The following SLC12A1 variants were observed in gnomAD, a reference collection of about 807,000 sequenced individuals.
The protein encoded by SLC12A1 is Na-K-2Cl cotransporter.
SLC12A1 carries 89 observed loss-of-function variants against 130.4 expected under a neutral mutation model. The ratio of observed to expected loss-of-function variants is 0.68; its 90% confidence interval spans 0.58 to 0.81. The LOEUF is 0.81. SLC12A1 is among the 40% of genes least tolerant of loss of function. SLC12A1 has a pLI of 0.00. For synonymous variants in SLC12A1, 499 were observed against 460.0 expected (o/e 1.08, Z -1.09); for missense variants, 1,310 against 1,336.4 (o/e 0.98, Z 0.31).
intron 2 of SLC12A1, among the ~76,000 whole-genome samples, chr15:48,217,531 T>G (rs1328147832): frequency 6.6e-6 from 1 of 152,210 alleles, no homozygotes; most frequent in Non-Finnish European, 1.5e-5. Flanking sequence ...AAGCTAAATT[T>G]TAATTATTAA....
intron 24 of SLC12A1, among the ~76,000 whole-genome samples, chr15:48,293,439 A>G (rs2066157765): frequency 6.6e-6 from 1 of 152,346 alleles, no homozygotes; most frequent in South Asian, 2.1e-4. Flanking sequence ...TCCAAGAGGA[A>G]TCATACAGAG....
chr15:48,269,739 A>T lies in SLC12A1; in HGVS notation c.2377A>T (p.Ile793Phe). The T allele has an allele frequency of 2.5e-6, 4 of 1,604,466 alleles. No individual in the cohort carries two copies. The highest frequency in any genetic ancestry group is 3.4e-6 in the Non-Finnish European group (4 of 1,171,572). Reference sequence around the variant, plus strand: ...CTGGAGGAAAGCTCCCTTGACAGAGATTGAGAACTACGTGGGAATCATACA... The same window carrying T: ...CTGGAGGAAAGCTCCCTTGACAGAGTTTGAGAACTACGTGGGAATCATACA... The part of the protein sequence containing the change: ...KNWRKAPLTE[I>F]ENYVGIIHDA... Residue 793 changes from isoleucine (I) to phenylalanine (F), a missense_variant, in exon 19 of 27, where the codon ATT becomes TTT. Physicochemically the swap from Ile to Phe is conservative, Grantham distance 21. Coordinates refer to ENST00000380993, the MANE Select transcript of SLC12A1 (RefSeq NM_000338.3).
At position 48,207,583 on chromosome 15, in the gene SLC12A1, T is replaced by G. The variant is rs950959180; in HGVS notation, c.-137T>G. The G allele has an allele frequency of 1.7e-6, 1 of 572,514 alleles. No homozygotes were observed. Among genetic ancestry groups the G allele is most frequent in the African/African-American group, 1.9e-5 (1 of 52,800 alleles). 35.5% of individuals were successfully genotyped at this position (572,514 alleles called of 1,614,324 possible). A position where few individuals can be genotyped will look rare whatever the true frequency, so the allele number is the denominator to read the frequency against. ...TATCGGAGACAATATATCAAGAATC[T>G]ATTTATTGAATCATCTAGAACAAAA... is the stretch of plus-strand genomic sequence containing the variant. On this transcript the variant is annotated 5_prime_UTR_variant, in exon 2 of 27. Coordinates refer to ENST00000380993, the MANE Select transcript of SLC12A1 (RefSeq NM_000338.3).
intron 7 of SLC12A1, among the ~76,000 whole-genome samples, chr15:48,231,507 G>C (rs1418142561): frequency 6.6e-6 from 1 of 152,116 alleles, no homozygotes; most frequent in African/African-American, 2.4e-5. Context: ...TCTGTAGTTA[G>C]AGTGCCTGAA....
chr15:48,265,316 C>T (rs2041820965), intron 17 of SLC12A1, among the ~76,000 whole-genome samples: 1 of 152,192 alleles, frequency 6.6e-6, no homozygotes, highest in Non-Finnish European at 1.5e-5. Flanking sequence ...AACAGACATA[C>T]ATTAGACTGT....
intron 24 of SLC12A1, among the ~76,000 whole-genome samples, chr15:48,294,074 G>A (rs186558220): frequency 6.7e-6 from 1 of 150,348 alleles, no homozygotes; most frequent in Non-Finnish European, 1.5e-5. Flanking sequence ...AAGGAGCCAA[G>A]CACTGTGACT....
chr15:48,288,626 G>A (rs190158173), intron 23 of SLC12A1, 110 bp downstream of exon 23: 652 of 620,152 alleles, frequency 1.1e-3, no homozygotes, highest in Non-Finnish European at 1.5e-3. Context: ...CAAAGACAAA[G>A]CCACCAGGAT....
At chr15:48,283,066 A>G (rs193299600) in intron 20 of SLC12A1, among the ~76,000 whole-genome samples, 1 of 152,314 alleles carries the variant, frequency 6.6e-6, no homozygotes, top group Admixed American at 6.5e-5. Context: ...AGTGTGCAAT[A>G]AATAGCAATT....
intron 18 of SLC12A1, 91 bp from the exon 19 acceptor site, chr15:48,269,567 C>G (rs1415620079): frequency 3.1e-6 from 2 of 647,968 alleles, no homozygotes; most frequent in African/African-American, 3.6e-5. Context: ...CAGAACATTA[C>G]TTCAGTGCTC....
intron 25 of SLC12A1, among the ~76,000 whole-genome samples, chr15:48,300,231 G>A (rs367784785): frequency 2.0e-4 from 30 of 151,818 alleles, no homozygotes; most frequent in African/African-American, 6.5e-4. Flanking sequence ...CTTGGGAGGC[G>A]AAGGCAGGAG....
At chr15:48,226,945 G>A in intron 5 of SLC12A1, 2 of 646,528 alleles carry the variant, frequency 3.1e-6, no homozygotes, top group Non-Finnish European at 5.5e-6. Flanking sequence ...TCATGAAATG[G>A]GATCTTTTAG....
In SLC12A1 at chr15:48,289,394, CATATATATATATATATAT is replaced by C. The variant is rs10609887; in HGVS notation, c.2873+896_2873+913del. Among the ~76,000 whole-genome samples, 2 of 112,866 alleles carry C rather than the reference CATATATATATATATATAT, an allele frequency of 1.8e-5. 1 individual carries two copies. Among genetic ancestry groups the C allele is most frequent in the African/African-American group, 7.6e-5 (2 of 26,418 alleles). 74.0% of individuals were successfully genotyped at this position (112,866 alleles called of 152,430 possible). On this transcript the variant is annotated intron_variant, in intron 23 of 26. Transcript: ENST00000380993. ...AGGATGTATTATGCTGTGAATGTGACATATATATATATATATATATATATATATATATATAATGTATAA... is the reference window on the plus strand; with the variant it reads ...AGGATGTATTATGCTGTGAATGTGACATATATATATATATATAATGTATAA...
intron 20 of SLC12A1, among the ~76,000 whole-genome samples, chr15:48,280,953 G>A (rs1341422941): frequency 1.3e-5 from 2 of 152,092 alleles, no homozygotes; most frequent in East Asian, 1.9e-4. Context: ...GAATTGAACA[G>A]CATTGATCTG....
At chr15:48,219,778 C>T (rs1286070196) in intron 2 of SLC12A1, among the ~76,000 whole-genome samples, 5 of 151,598 alleles carry the variant, frequency 3.3e-5, no homozygotes, top group African/African-American at 4.8e-5. Flanking sequence ...ATAGGACGGG[C>T]GCGGTGGCTC....
chr15:48,240,052 T>TAGCC (rs1567316928), intron 9 of SLC12A1, among the ~76,000 whole-genome samples: 9 of 32,882 alleles, frequency 2.7e-4, no homozygotes, highest in Non-Finnish European at 4.1e-4. Flanking sequence ...TATATATCCA[T>TAGCC]ATATATATAT....
intron 2 of SLC12A1, among the ~76,000 whole-genome samples, chr15:48,214,882 A>G (rs924276689): frequency 4.0e-5 from 6 of 151,874 alleles, no homozygotes; most frequent in African/African-American, 1.5e-4. Flanking sequence ...TGAATATGAC[A>G]ATAATAAAAG....
chr15:48,218,280 T>C (rs917766550), intron 2 of SLC12A1, among the ~76,000 whole-genome samples: 5 of 152,180 alleles, frequency 3.3e-5, no homozygotes, highest in African/African-American at 1.2e-4. Flanking sequence ...ATGCTGCTTA[T>C]CCAAGTGTCA....
At chr15:48,231,477 G>A (rs1016932295) in intron 7 of SLC12A1, among the ~76,000 whole-genome samples, 20 of 152,228 alleles carry the variant, frequency 1.3e-4, no homozygotes, top group African/African-American at 4.3e-4. Flanking sequence ...GCAGTAGAGG[G>A]TAGCATTTAA....
At chr15:48,206,355 G>C (rs1334384914) in intron 1 of SLC12A1, 25 bp downstream of exon 1, 1 of 152,196 alleles carries the variant, frequency 6.6e-6, no homozygotes, top group African/African-American at 2.4e-5. Flanking sequence ...TCTGGGCAGG[G>C]TAAAAATCAT....
Sources: gnomAD v4.1 joint callset for allele counts (sites outside exome capture counted in the v4.1 genomes callset) on GRCh38, gnomAD v4.1.1 for gene constraint, MANE v1.5 for transcripts, NCBI Gene and HGNC (gene_info 2026-07-23, HGNC 2026-07-21) for gene names.